Variants in ACCSL observed in about 807,000 individuals in gnomAD.
ACCSL encodes the protein 1-aminocyclopropane-1-carboxylate synthase homolog (inactive) like.
A neutral mutation model predicts 61.7 loss-of-function variants in ACCSL; 55 were observed. That is an observed-to-expected ratio of 0.89 (90% CI 0.72 to 1.12). The LOEUF (loss-of-function observed/expected upper bound fraction) is 1.12, where lower values mean the gene tolerates loss of function less well. ACCSL is among the 50% of genes most tolerant of loss of function. ACCSL has a pLI of 0.00. For synonymous variants in ACCSL, 258 were observed against 264.3 expected (o/e 0.98, Z 0.23); for missense variants, 632 against 698.0 (o/e 0.91, Z 1.07).
the ACCSL span, among the ~76,000 whole-genome samples, chr11:44,013,656 A>G: frequency 1.3e-5 from 2 of 152,206 alleles, no homozygotes; most frequent in African/African-American, 4.8e-5. Flanking sequence ...ATGAAAATAT[A>G]TTACGTATTT....
At chr11:44,008,501 G>T in the ACCSL span, among the ~76,000 whole-genome samples, 8 of 152,340 alleles carry the variant, frequency 5.3e-5, no homozygotes, top group Non-Finnish European at 8.8e-5. Context: ...TTGTGAACAG[G>T]ACTCATCCAA....
chr11:43,925,596 T>C, the ACCSL span: 1 of 392,524 alleles, frequency 2.5e-6, no homozygotes, highest in South Asian at 1.8e-5. Flanking sequence ...ATGCTCCCTC[T>C]TACGGTCACA....
intron 8 of ACCSL, among the ~76,000 whole-genome samples, chr11:44,054,648 G>C (rs1174921482): frequency 6.6e-6 from 1 of 151,942 alleles, no homozygotes; most frequent in African/African-American, 2.4e-5. Flanking sequence ...GTAGAGACAG[G>C]GTTCCACGAT....
chr11:43,931,724 G>C, the ACCSL span, among the ~76,000 whole-genome samples: 1 of 152,198 alleles, frequency 6.6e-6, no homozygotes, highest in Non-Finnish European at 1.5e-5. Flanking sequence ...TAGGTGCTCA[G>C]GAAAAATTCA....
the ACCSL span, chr11:43,925,215 A>G: frequency 3.3e-5 from 12 of 364,808 alleles, no homozygotes; most frequent in African/African-American, 2.5e-4. Flanking sequence ...TCCCGTGCAC[A>G]TACTGCCCTT....
intron 6 of ACCSL, 83 bp from the exon 7 acceptor site, chr11:44,052,908 G>T: frequency 1.3e-6 from 2 of 1,497,534 alleles, no homozygotes; most frequent in Non-Finnish European, 1.9e-6. Flanking sequence ...TGGTATGAAG[G>T]CAAAGGATTG....
At chr11:44,036,336 G>A in the ACCSL span, among the ~76,000 whole-genome samples, 1 of 152,242 alleles carries the variant, frequency 6.6e-6, no homozygotes, top group Non-Finnish European at 1.5e-5. Flanking sequence ...CAGGTCTGCA[G>A]TCAGGCCCAA....
the ACCSL span, among the ~76,000 whole-genome samples, chr11:44,031,576 G>T: frequency 6.6e-6 from 1 of 152,146 alleles, no homozygotes; most frequent in Non-Finnish European, 1.5e-5. Context: ...TGAAAGAGAG[G>T]GAGCAGGAGG....
At chr11:44,028,839 A>G in the ACCSL span, among the ~76,000 whole-genome samples, 25 of 152,238 alleles carry the variant, frequency 1.6e-4, no homozygotes, top group African/African-American at 5.5e-4. Context: ...ATCATACAGG[A>G]GGAATGTTTT....
Position 44,052,643 on chromosome 11 carries a change from T to C in ACCSL, c.773-19T>C. 1 of 1,605,492 alleles carries C rather than the reference T, an allele frequency of 6.2e-7. No homozygotes were observed. Among genetic ancestry groups the C allele is most frequent in the South Asian group, 1.1e-5 (1 of 90,922 alleles). ...TTGGGAGACTTTGGACTGATAGCTCTGTCTCTCTGTGTTTCCAGAGGCCTT... is the reference window on the plus strand; with the variant it reads ...TTGGGAGACTTTGGACTGATAGCTCCGTCTCTCTGTGTTTCCAGAGGCCTT... On this transcript the variant is annotated intron_variant, in intron 5 of 13. Coordinates refer to ENST00000378832, the MANE Select transcript of ACCSL (RefSeq NM_001031854.2).
Position 44,058,405 on chromosome 11 carries a change from G to A in ACCSL, c.1416G>A (p.Glu472=). Residue 472 remains glutamate (E), a synonymous_variant, in exon 12 of 14, where the codon GAG becomes GAA. Coordinates refer to ENST00000378832, the MANE Select transcript of ACCSL (RefSeq NM_001031854.2). ...TCACTGCTGAGCTGAAGGCATTGGAGATCCCTTTTCACAACCGCAGCTCTG... is the reference window on the plus strand; with the variant it reads ...TCACTGCTGAGCTGAAGGCATTGGAAATCCCTTTTCACAACCGCAGCTCTG... ...KYITAELKAL[E]IPFHNRSSGL... 6.2e-7 allele frequency: 1 copy of A among 1,614,202 alleles called. No individual in the cohort carries two copies. The highest frequency in any genetic ancestry group is 8.5e-7 in the Non-Finnish European group (1 of 1,180,046).
At chr11:44,033,973 G>C in the ACCSL span, among the ~76,000 whole-genome samples, 1 of 152,134 alleles carries the variant, frequency 6.6e-6, no homozygotes, top group African/African-American at 2.4e-5. Flanking sequence ...CAGAAGGGAT[G>C]GGGGTGGGGG....
chr11:43,986,336 A>G, the ACCSL span, among the ~76,000 whole-genome samples: 317 of 122,674 alleles, frequency 2.6e-3, 1 homozygote, highest in Middle Eastern at 0.019. Flanking sequence ...TTAAAGGAAA[A>G]TATGATCTTC....
At chr11:43,962,931 G>C in the ACCSL span, among the ~76,000 whole-genome samples, 1 of 152,222 alleles carries the variant, frequency 6.6e-6, no homozygotes, top group Non-Finnish European at 1.5e-5. Flanking sequence ...TATCCTGGCA[G>C]GGGAAGATGT....
the ACCSL span, among the ~76,000 whole-genome samples, chr11:44,006,237 G>C: frequency 6.6e-6 from 1 of 152,174 alleles, no homozygotes; most frequent in Non-Finnish European, 1.5e-5. Context: ...TCTGGCCTTG[G>C]AGTCTGGGTG....
the ACCSL span, among the ~76,000 whole-genome samples, chr11:43,952,283 AC>A: frequency 6.6e-6 from 1 of 151,646 alleles, no homozygotes; most frequent in Non-Finnish European, 1.5e-5. Flanking sequence ...GTTCATGTGT[AC>A]TCAATGTTTA....
chr11:44,058,649 C>T lies in ACCSL; in HGVS notation c.1574C>T (p.Pro525Leu). The change falls in exon 13 of 14, where the codon CCA (proline) becomes CTA (leucine). Residue 525 changes from proline (P) to leucine (L), a missense_variant. By Grantham distance (98) the Pro-to-Leu change is moderately conservative. Coordinates refer to ENST00000378832, the MANE Select transcript of ACCSL (RefSeq NM_001031854.2). ...SRGKTYMCKE[P>L]GWFCLIFADE... is the part of the protein sequence containing the mutation. ...GGCAAAACCTACATGTGTAAGGAGCCAGGCTGGTTCTGCCTCATCTTTGCA... is the reference window on the plus strand; with the variant it reads ...GGCAAAACCTACATGTGTAAGGAGCTAGGCTGGTTCTGCCTCATCTTTGCA... 1 of 1,614,068 alleles carries T rather than the reference C, an allele frequency of 6.2e-7. No individual in the cohort carries two copies. Among genetic ancestry groups the T allele is most frequent in the Non-Finnish European group, 8.5e-7 (1 of 1,179,974 alleles).
At chr11:43,931,867 C>G in the ACCSL span, among the ~76,000 whole-genome samples, 1 of 152,256 alleles carries the variant, frequency 6.6e-6, no homozygotes, top group East Asian at 1.9e-4. Flanking sequence ...CTGTCTCAAA[C>G]AGGGTGCACC....
chr11:43,949,953 T>C, the ACCSL span, among the ~76,000 whole-genome samples: 2 of 152,246 alleles, frequency 1.3e-5, no homozygotes, highest in Non-Finnish European at 2.9e-5. Flanking sequence ...GTGAGCTGAT[T>C]GGCAATGTGA....
Sources: gnomAD v4.1 joint callset for allele counts (sites outside exome capture counted in the v4.1 genomes callset) on GRCh38, gnomAD v4.1.1 for gene constraint, MANE v1.5 for transcripts, NCBI Gene and HGNC (gene_info 2026-07-23, HGNC 2026-07-21) for gene names.